Variants in SLC13A2 observed in about 807,000 individuals in gnomAD.
SLC13A2 encodes the protein solute carrier family 13 member 2.
A neutral mutation model predicts 58.5 loss-of-function variants in SLC13A2; 40 were observed. The ratio of observed to expected loss-of-function variants is 0.68; its 90% confidence interval spans 0.53 to 0.89. The LOEUF (loss-of-function observed/expected upper bound fraction) is 0.89. Among genes scored for constraint, SLC13A2 ranks in the 40% least tolerant of loss-of-function variants. The probability of loss-of-function intolerance (pLI) is 0.00; values close to 1 mark genes in which losing one functional copy is unlikely to be tolerated. For missense variants in SLC13A2, 694 were observed against 772.6 expected (o/e 0.90, Z 1.21); for synonymous variants, 341 against 331.6 (o/e 1.03, Z -0.31).
chr17:28,482,285 C>G (rs1235221358), intron 1 of SLC13A2, among the ~76,000 whole-genome samples: 1 of 152,114 alleles, frequency 6.6e-6, no homozygotes, highest in Non-Finnish European at 1.5e-5. Flanking sequence ...CTCCTGGGCT[C>G]AAGAAATCCT....
In SLC13A2 at chr17:28,479,377, G is replaced by A. The variant is rs902443785; in HGVS notation, c.102+5563G>A. Among the ~76,000 whole-genome samples the A allele has an allele frequency of 2.0e-5, 3 of 152,116 alleles. No individual in the cohort carries two copies. In the South Asian group the frequency reaches 6.2e-4, roughly 32 times the overall value. On this transcript the variant is annotated intron_variant, in intron 1 of 11. Coordinates refer to ENST00000314669, the MANE Select transcript of SLC13A2 (RefSeq NM_003984.4). Reference sequence around the variant, plus strand: ...GGGGGCTCGAGTGAGGCCTTAAGAGGCCTCACTAGATTGCTTAAGTCAAGT... The same window carrying A: ...GGGGGCTCGAGTGAGGCCTTAAGAGACCTCACTAGATTGCTTAAGTCAAGT...
At chr17:28,478,053 G>C (rs142806789) in intron 1 of SLC13A2, among the ~76,000 whole-genome samples, 16 of 151,766 alleles carry the variant, frequency 1.1e-4, no homozygotes, top group Non-Finnish European at 1.5e-5. Flanking sequence ...GCAAGGCTCA[G>C]TCTCAAAAAA....
chr17:28,493,889 C>T (rs782239125), intron 7 of SLC13A2, 100 bp downstream of exon 7: 2 of 1,480,568 alleles, frequency 1.4e-6, no homozygotes, highest in Admixed American at 1.7e-5. Flanking sequence ...GGAGGTAACA[C>T]TTGGTGGGGG....
At chr17:28,497,048 G>T in intron 11 of SLC13A2, 51 bp from the exon 12 acceptor site, 2 of 1,581,624 alleles carry the variant, frequency 1.3e-6, no homozygotes, top group Non-Finnish European at 1.7e-6. Context: ...GGGGACTTGG[G>T]GGCAGTCCAG....
At chr17:28,485,958 A>G (rs1555601896) in intron 1 of SLC13A2, among the ~76,000 whole-genome samples, 1 of 152,104 alleles carries the variant, frequency 6.6e-6, no homozygotes, top group African/African-American at 2.4e-5. Context: ...CACATCATGA[A>G]CTCCAGTCTG....
At chr17:28,480,735 C>T (rs1555600944) in intron 1 of SLC13A2, among the ~76,000 whole-genome samples, 1 of 152,162 alleles carries the variant, frequency 6.6e-6, no homozygotes, top group Non-Finnish European at 1.5e-5. Flanking sequence ...TTCCTGGGCC[C>T]CTGGAAAACA....
intron 1 of SLC13A2, among the ~76,000 whole-genome samples, chr17:28,482,911 G>C (rs1393531965): frequency 6.6e-6 from 1 of 152,178 alleles, no homozygotes; most frequent in Non-Finnish European, 1.5e-5. Context: ...CTGCTTTACA[G>C]GTGCTTGGCA....
chr17:28,491,711 G>A lies in SLC13A2; in HGVS notation c.756-19G>A, dbSNP rs1555603503. 1 of 1,613,392 alleles carries A rather than the reference G, an allele frequency of 6.2e-7. No homozygotes were observed. On this transcript the variant is annotated intron_variant, in intron 5 of 11. Coordinates refer to ENST00000314669, the MANE Select transcript of SLC13A2 (RefSeq NM_003984.4). ...GTTCTCGGGGCAATGTCACACGGCA[G>A]CCCATGTTCCTCCTTCAGGCTCTTC...
At chr17:28,476,984 C>A (rs1048739305) in intron 1 of SLC13A2, among the ~76,000 whole-genome samples, 2 of 149,872 alleles carry the variant, frequency 1.3e-5, no homozygotes, top group Admixed American at 6.6e-5. Context: ...TGATGAAACC[C>A]CGTCTCTATA....
rs782145774 is a variant in SLC13A2, at chr17:28,497,198, T to C, written c.1708T>C (p.Ser570Pro). ...CCTCTTCAGCCTGCACTCTTTCCCC[T>C]CCTGGGCACAGTCCAACACCACAGC... ...IPLFSLHSFP[S>P]WAQSNTTAQC... Residue 570 changes from serine (S) to proline (P), a missense_variant, in exon 12 of 12, where the codon TCC becomes CCC. Ser to Pro is a moderately conservative substitution (Grantham distance 74). Transcript: ENST00000314669. 17 of 1,614,078 alleles carry C rather than the reference T, an allele frequency of 1.1e-5. No individual in the cohort carries two copies. Among genetic ancestry groups the C allele is most frequent in the Non-Finnish European group, 1.4e-5 (16 of 1,180,004 alleles).
intron 1 of SLC13A2, among the ~76,000 whole-genome samples, chr17:28,478,075 AG>A (rs1346531124): frequency 6.6e-6 from 1 of 152,134 alleles, no homozygotes; most frequent in Non-Finnish European, 1.5e-5. Context: ...AAAAAAAAAA[AG>A]CCTATGTGTT....
chr17:28,485,221 AGGGGCCACCAGG>A (rs1407760247), intron 1 of SLC13A2, among the ~76,000 whole-genome samples: 15 of 152,266 alleles, frequency 9.9e-5, no homozygotes, highest in African/African-American at 3.4e-4. Context: ...GAGCTCCAGG[AGGGGCCACCAGG>A]GACTGTGGTG....
In SLC13A2 at chr17:28,489,450, G is replaced by C. The variant is rs1947461312; in HGVS notation, c.231+108G>C. On this transcript the variant is annotated intron_variant, in intron 2 of 11. Transcript: ENST00000314669. ...AAGCCTCACCATAGGCAGGGCACAT[G>C]GATTAGGGGTTCCTGACTCTGCATG... The C allele has an allele frequency of 8.4e-6, 11 of 1,315,270 alleles. No homozygotes were observed. The Admixed American group carries it at 1.0e-4, about 12-fold the overall frequency. 81.5% of individuals were successfully genotyped at this position (1,315,270 alleles called of 1,614,324 possible). A position where few individuals can be genotyped will look rare whatever the true frequency, so the allele number is the denominator to read the frequency against.
At chr17:28,474,119 A>T (rs1471292601) in intron 1 of SLC13A2, among the ~76,000 whole-genome samples, 1 of 152,170 alleles carries the variant, frequency 6.6e-6, no homozygotes, top group Non-Finnish European at 1.5e-5. Flanking sequence ...TGATCTACCT[A>T]CTGTGTGCCC....
At chr17:28,485,918 C>T (rs1437418227) in intron 1 of SLC13A2, among the ~76,000 whole-genome samples, 1 of 152,072 alleles carries the variant, frequency 6.6e-6, no homozygotes, top group East Asian at 1.9e-4. Flanking sequence ...TTGCCTGTGC[C>T]CAGCACTGGA....
chr17:28,497,138 A>G lies in SLC13A2; in HGVS notation c.1648A>G (p.Ile550Val), dbSNP rs11567842. 612,246 of 1,613,718 alleles carry G rather than the reference A, an allele frequency of 0.38. 120,054 individuals are homozygous for G. The highest frequency in any genetic ancestry group is 0.6 in the African/African-American group (44,663 of 74,868). Residue 550 changes from isoleucine (I) to valine (V), a missense_variant, in exon 12 of 12, where the codon ATC becomes GTC. Transcript: ENST00000314669. Reference protein sequence around the residue: ...GFLLNIIGVLIIALAINSWGI... With the variant: ...GFLLNIIGVLVIALAINSWGI... ...CCTCCTCAACATCATTGGAGTCCTG[A>G]TCATCGCACTGGCCATCAACAGCTG...
intron 1 of SLC13A2, among the ~76,000 whole-genome samples, chr17:28,479,880 C>A (rs1366643503): frequency 6.6e-6 from 1 of 152,016 alleles, no homozygotes; most frequent in South Asian, 2.1e-4. Flanking sequence ...GTTGGCTGGG[C>A]GCAATGGCTC....
intron 4 of SLC13A2, 151 bp downstream of exon 4, chr17:28,491,057 T>C: frequency 1.1e-6 from 1 of 871,196 alleles, no homozygotes; most frequent in Non-Finnish European, 1.7e-6. Flanking sequence ...TTTTTCCTTT[T>C]TTAAAAAATG....
At chr17:28,473,906 A>G in intron 1 of SLC13A2, 92 bp downstream of exon 1, 1 of 1,001,072 alleles carries the variant, frequency 1.0e-6, no homozygotes, top group Non-Finnish European at 1.5e-6. Flanking sequence ...ATCCAGCATA[A>G]CTTCCTCACT....
Sources: allele counts gnomAD v4.1 joint callset (sites outside exome capture counted in the v4.1 genomes callset), GRCh38; gene constraint gnomAD v4.1.1; transcripts MANE v1.5; gene names NCBI Gene and HGNC (gene_info 2026-07-23, HGNC 2026-07-21).